EZH2: variants seen among roughly 807,000 people sequenced by gnomAD.
The protein encoded by EZH2 is histone-lysine N-methyltransferase EZH2.
A neutral mutation model predicts 98.4 loss-of-function variants in EZH2; 18 were observed. The ratio of observed to expected loss-of-function variants is 0.18; its 90% CI spans 0.13 to 0.27. EZH2 has a LOEUF of 0.27. Among genes scored for constraint, EZH2 ranks in the 10% least tolerant of loss-of-function variants. The pLI, the probability that EZH2 is intolerant of heterozygous loss-of-function variation, is 1.00. For missense variants in EZH2, 470 were observed against 935.1 expected (o/e 0.50, Z 6.49); for synonymous variants, 338 against 312.3 (o/e 1.08, Z -0.87).
intron 1 of EZH2, among the ~76,000 whole-genome samples, chr7:148,856,298 G>A (rs1227536398): frequency 6.6e-6 from 1 of 152,214 alleles, no homozygotes; most frequent in Non-Finnish European, 1.5e-5. Flanking sequence ...TAGATAATGT[G>A]TGCCAAGTTT....
At chr7:148,835,237 T>A (rs1214696240) in intron 3 of EZH2, among the ~76,000 whole-genome samples, 1 of 151,966 alleles carries the variant, frequency 6.6e-6, no homozygotes, top group Non-Finnish European at 1.5e-5. Flanking sequence ...CTGGGCAACA[T>A]GGGGAAACCC....
intron 8 of EZH2, among the ~76,000 whole-genome samples, chr7:148,824,939 G>C (rs772995717): frequency 6.6e-6 from 1 of 151,818 alleles, no homozygotes; most frequent in African/African-American, 2.4e-5. Context: ...GCTAGAATGA[G>C]GTAAGTAACA....
At chr7:148,850,646 C>A (rs1341127047) in intron 1 of EZH2, among the ~76,000 whole-genome samples, 2 of 152,132 alleles carry the variant, frequency 1.3e-5, no homozygotes, top group African/African-American at 4.8e-5. Flanking sequence ...TCACTCTATT[C>A]CCACTGTAAG....
In EZH2 at chr7:148,856,400, T is replaced by C. The variant is rs535085285; in HGVS notation, c.-7-9095A>G. 2.6e-5 allele frequency among the ~76,000 whole-genome samples: 4 copies of C among 152,362 alleles called. No homozygotes were observed. In the South Asian group the frequency reaches 8.3e-4, roughly 32 times the overall value. On this transcript the variant is annotated intron_variant, in intron 1 of 19. Coordinates refer to ENST00000320356, the MANE Select transcript of EZH2 (RefSeq NM_004456.5). ...ATGAACTCACGTGTATTTTAAAATA[T>C]ATGCGGATAGATACAGAAACGTAGG... is the stretch of plus-strand genomic sequence containing the variant.
At position 148,846,346 on chromosome 7, in the gene EZH2, A is replaced by AG. The variant is rs1814024463; in HGVS notation, c.246+123dup. Reference sequence around the variant, plus strand: ...AGTCATTAACAGTTGCACATTAAAAAGAAATAGCAATAAAAAGATGGACAC... The same window carrying AG: ...AGTCATTAACAGTTGCACATTAAAAAGGAAATAGCAATAAAAAGATGGACAC... On this transcript the variant is annotated intron_variant, in intron 3 of 19. Transcript: ENST00000320356. The AG allele has an allele frequency of 3.0e-6, 3 of 1,009,264 alleles. No homozygotes were observed. In the African/African-American group the frequency reaches 4.9e-5, roughly 17 times the overall value. 62.5% of individuals were successfully genotyped at this position (1,009,264 alleles called of 1,614,324 possible).
intron 1 of EZH2, among the ~76,000 whole-genome samples, chr7:148,882,548 C>T (rs1325477125): frequency 6.6e-6 from 1 of 152,200 alleles, no homozygotes; most frequent in Admixed American, 6.5e-5. Context: ...AATAAAATTA[C>T]AAATAAACAA....
intron 1 of EZH2, among the ~76,000 whole-genome samples, chr7:148,866,612 A>T (rs1818551289): frequency 7.1e-6 from 1 of 140,644 alleles, no homozygotes; most frequent in South Asian, 2.2e-4. Context: ...ATTATATATA[A>T]TATATATGCA....
At chr7:148,834,887 T>C (rs1288917412) in intron 3 of EZH2, among the ~76,000 whole-genome samples, 1 of 152,192 alleles carries the variant, frequency 6.6e-6, no homozygotes, top group East Asian at 1.9e-4. Context: ...TATTCCTCAT[T>C]ACAACCTTAT....
intron 1 of EZH2, among the ~76,000 whole-genome samples, chr7:148,873,779 T>C (rs774838752): frequency 6.6e-5 from 10 of 152,020 alleles, no homozygotes; most frequent in Non-Finnish European, 1.5e-4. Flanking sequence ...ATTTTATTAG[T>C]ACTTACAATA....
chr7:148,830,484 A>G (rs959914876), intron 4 of EZH2, among the ~76,000 whole-genome samples: 2 of 152,226 alleles, frequency 1.3e-5, no homozygotes, highest in African/African-American at 4.8e-5. Context: ...AACTTGTAAT[A>G]GTTTAAGGTA....
intron 8 of EZH2, among the ~76,000 whole-genome samples, chr7:148,820,675 A>G (rs1352837248): frequency 6.6e-6 from 1 of 152,170 alleles, no homozygotes; most frequent in Non-Finnish European, 1.5e-5. Context: ...CTGGTGCTGG[A>G]TTACGTTTGT....
chr7:148,872,229 A>C (rs930944893), intron 1 of EZH2, among the ~76,000 whole-genome samples: 27 of 152,244 alleles, frequency 1.8e-4, no homozygotes, highest in African/African-American at 6.5e-4. Context: ...AAATAAGCTA[A>C]TCACAAAGGG....
intron 1 of EZH2, among the ~76,000 whole-genome samples, chr7:148,864,802 G>A (rs1165227853): frequency 2.0e-5 from 3 of 151,752 alleles, no homozygotes; most frequent in Non-Finnish European, 4.4e-5. Context: ...TCAGTTTACA[G>A]AAACACTGTT....
rs1383082303 is a variant in EZH2 at position 148,818,136 on chromosome 7, C to T, written c.1000-19G>A. On this transcript the variant is annotated intron_variant, in intron 9 of 19. Coordinates refer to ENST00000320356, the MANE Select transcript of EZH2 (RefSeq NM_004456.5). ...CTCCCTCCTACGAAATGAAAAATGT[C>T]AACATCAGGGCAAAGTTCTAAAACT... The T allele has an allele frequency of 6.5e-7, 1 of 1,530,822 alleles. No individual in the cohort carries two copies. The highest frequency in any genetic ancestry group is 8.7e-7 in the Non-Finnish European group (1 of 1,143,100). 94.8% of individuals were successfully genotyped at this position (1,530,822 alleles called of 1,614,324 possible).
intron 1 of EZH2, among the ~76,000 whole-genome samples, chr7:148,864,695 AAAAAGG>A (rs1818180913): frequency 1.3e-5 from 2 of 150,226 alleles, no homozygotes; most frequent in African/African-American, 5.0e-5. Context: ...AAAAAAAAAA[AAAAAGG>A]AAAAAAAGAA....
intron 1 of EZH2, among the ~76,000 whole-genome samples, chr7:148,856,053 G>A (rs543505748): frequency 7.9e-5 from 12 of 152,016 alleles, no homozygotes; most frequent in African/African-American, 2.9e-4. Flanking sequence ...AACAAAACAG[G>A]ATGTCAGGGG....
intron 1 of EZH2, among the ~76,000 whole-genome samples, chr7:148,853,973 G>C (rs1419248608): frequency 6.6e-6 from 1 of 152,152 alleles, no homozygotes; most frequent in Non-Finnish European, 1.5e-5. Context: ...CTACCTCTCA[G>C]GTGGCCAGGC....
intron 6 of EZH2, 24 bp downstream of exon 6, chr7:148,828,716 C>T (rs1388569754): frequency 1.9e-6 from 3 of 1,607,122 alleles, no homozygotes; most frequent in East Asian, 2.2e-5. Context: ...AATGGCTACA[C>T]AGAATCCTAA....
rs138018135 is a variant in EZH2 at position 148,821,493 on chromosome 7, A to G, written c.908-1806T>C. The stretch of plus-strand genomic sequence containing the variant: ...TTAATGGGATTCCAATAAACATACC[A>G]CTAATTTTTTTTAAAAAGAACTAGA... On this transcript the variant is annotated intron_variant, in intron 8 of 19. Transcript: ENST00000320356. Among the ~76,000 whole-genome samples, 47 of 152,324 alleles carry G rather than the reference A, an allele frequency of 3.1e-4. 1 individual carries two copies. The East Asian group carries it at 5.0e-3, about 16-fold the overall frequency.
Sources: allele counts gnomAD v4.1 joint callset (sites outside exome capture counted in the v4.1 genomes callset), GRCh38; gene constraint gnomAD v4.1.1; transcripts MANE v1.5; gene names NCBI Gene and HGNC (gene_info 2026-07-23, HGNC 2026-07-21).